DLG2: variants seen among roughly 807,000 people sequenced by gnomAD.
DLG2 encodes the protein disks large homolog 2.
In DLG2, 45 loss-of-function variants were observed where a neutral mutation model predicts 132.5. The ratio of observed to expected loss-of-function variants is 0.34; its 90% confidence interval spans 0.27 to 0.44. The LOEUF is 0.44. Ranked by LOEUF, DLG2 falls within the 20% of genes least tolerant of loss-of-function variation. DLG2 has a pLI of 1.00. For missense variants in DLG2, 1,045 were observed against 1,196.9 expected (o/e 0.87, Z 1.87); for synonymous variants, 424 against 419.6 (o/e 1.01, Z -0.13).
At chr11:84,764,299 T>C (rs2068074999) in intron 6 of DLG2, among the ~76,000 whole-genome samples, 3 of 152,186 alleles carry the variant, frequency 2.0e-5, no homozygotes, top group African/African-American at 7.2e-5. Flanking sequence ...TTTCTGTAGC[T>C]TACCTATGAC....
chr11:83,687,088 C>T (rs530434870), intron 18 of DLG2, among the ~76,000 whole-genome samples: 1 of 152,146 alleles, frequency 6.6e-6, no homozygotes, highest in Admixed American at 6.5e-5. Flanking sequence ...CAAAAACTAC[C>T]ACAAGGCAGA....
intron 4 of DLG2, among the ~76,000 whole-genome samples, chr11:85,236,937 C>T (rs1465859127): frequency 6.6e-6 from 1 of 151,980 alleles, no homozygotes. Flanking sequence ...CCTTTCTCCC[C>T]AAAGTTGCCA....
chr11:85,233,095 G>GT (rs902115642), intron 4 of DLG2, among the ~76,000 whole-genome samples: 28 of 151,482 alleles, frequency 1.8e-4, no homozygotes, highest in Admixed American at 4.6e-4. Flanking sequence ...ATTTCATGTG[G>GT]TTTTTTTTCC....
At chr11:84,158,774 G>A (rs962246537) in intron 9 of DLG2, among the ~76,000 whole-genome samples, 1 of 151,792 alleles carries the variant, frequency 6.6e-6, no homozygotes, top group African/African-American at 2.4e-5. Context: ...AACAAAAGAA[G>A]TTCTTGTTAG....
intron 16 of DLG2, among the ~76,000 whole-genome samples, chr11:83,835,989 T>C (rs965016029): frequency 7.9e-5 from 12 of 152,072 alleles, no homozygotes; most frequent in Admixed American, 1.3e-4. Flanking sequence ...GCTTATGTAG[T>C]TGTGGAGGCT....
rs576032713 is a variant in DLG2 at position 85,448,979 on chromosome 11, G to A, written c.40+149678C>T. On this transcript the variant is annotated intron_variant, in intron 3 of 27. Transcript: ENST00000376104. ...GTCAAACATGGCAGAAGTTGTTTACGTTAATCTTATCAAATGAAACTCAGT... is the reference window on the plus strand; with the variant it reads ...GTCAAACATGGCAGAAGTTGTTTACATTAATCTTATCAAATGAAACTCAGT... Among the ~76,000 whole-genome samples, 79 of 152,070 alleles carry A rather than the reference G, an allele frequency of 5.2e-4. 1 individual carries two copies. Among genetic ancestry groups the A allele is most frequent in the African/African-American group, 1.6e-3 (68 of 41,504 alleles).
In DLG2 at chr11:84,267,385, A is replaced by G. The variant is rs958700963; in HGVS notation, c.520-16094T>C. 2.0e-5 allele frequency among the ~76,000 whole-genome samples: 3 copies of G among 152,202 alleles called. No homozygotes were observed. The South Asian group carries it at 6.2e-4, about 32-fold the overall frequency. ...GGGGATAGGAGTTAAGTCCTGAAGG[A>G]TACAACCTTACTTTGAAGACCACTG... On this transcript the variant is annotated intron_variant, in intron 7 of 27. Coordinates refer to ENST00000376104, the MANE Select transcript of DLG2 (RefSeq NM_001142699.3).
chr11:83,862,743 A>C (rs1423342065), intron 16 of DLG2, among the ~76,000 whole-genome samples: 2 of 152,156 alleles, frequency 1.3e-5, no homozygotes, highest in African/African-American at 4.8e-5. Flanking sequence ...ACAGAGAGAG[A>C]GAAAGTGATG....
At chr11:83,982,335 C>T (rs1476143984) in intron 11 of DLG2, among the ~76,000 whole-genome samples, 1 of 151,944 alleles carries the variant, frequency 6.6e-6, no homozygotes, top group Non-Finnish European at 1.5e-5. Context: ...CATGCTGTAA[C>T]ATTTTACATG....
At chr11:85,422,210 A>G (rs1000460238) in intron 3 of DLG2, among the ~76,000 whole-genome samples, 1 of 152,128 alleles carries the variant, frequency 6.6e-6, no homozygotes, top group African/African-American at 2.4e-5. Context: ...CTTTGTGCTT[A>G]CCTGTATTTG....
At chr11:85,167,178 C>A (rs1439915813) in intron 4 of DLG2, among the ~76,000 whole-genome samples, 1 of 152,130 alleles carries the variant, frequency 6.6e-6, no homozygotes, top group Non-Finnish European at 1.5e-5. Flanking sequence ...GATGCCAGGT[C>A]ACTGGGAAGC....
At chr11:85,495,232 T>C (rs1409906786) in intron 3 of DLG2, among the ~76,000 whole-genome samples, 1 of 152,190 alleles carries the variant, frequency 6.6e-6, no homozygotes, top group African/African-American at 2.4e-5. Flanking sequence ...CTCTTGAATG[T>C]TTAAGTTGGT....
At chr11:84,070,896 T>C (rs2096746251) in intron 10 of DLG2, among the ~76,000 whole-genome samples, 2 of 152,194 alleles carry the variant, frequency 1.3e-5, no homozygotes, top group South Asian at 4.1e-4. Context: ...ACATCTCAAA[T>C]GGAGCAGAGT....
chr11:85,023,343 A>G (rs1470283392), intron 6 of DLG2, among the ~76,000 whole-genome samples: 2 of 152,048 alleles, frequency 1.3e-5, no homozygotes, highest in Non-Finnish European at 1.5e-5. Flanking sequence ...GTAAAATTCG[A>G]TTTGCAACCC....
At chr11:83,720,018 C>A (rs149632818) in intron 18 of DLG2, among the ~76,000 whole-genome samples, 4 of 152,002 alleles carry the variant, frequency 2.6e-5, no homozygotes, top group African/African-American at 9.6e-5. Context: ...TTCAGCCGGG[C>A]GCAGTGGCTC....
At chr11:84,492,027 C>G (rs2099166527) in intron 7 of DLG2, among the ~76,000 whole-genome samples, 1 of 151,904 alleles carries the variant, frequency 6.6e-6, no homozygotes, top group South Asian at 2.1e-4. Context: ...TTTAAAAAGA[C>G]ATTTTAAGTA....
At chr11:83,887,238 C>G (rs12293572) in intron 15 of DLG2, among the ~76,000 whole-genome samples, 1 of 151,452 alleles carries the variant, frequency 6.6e-6, no homozygotes, top group Non-Finnish European at 1.5e-5. Flanking sequence ...AAGAATCAAA[C>G]AGACGCAATA....
intron 3 of DLG2, among the ~76,000 whole-genome samples, chr11:85,478,519 T>C (rs1308300820): frequency 6.6e-6 from 1 of 152,220 alleles, no homozygotes; most frequent in South Asian, 2.1e-4. Flanking sequence ...CTTTGCTTTA[T>C]CTACAATGTG....
At chr11:85,223,920 G>T (rs2074817988) in intron 4 of DLG2, among the ~76,000 whole-genome samples, 1 of 152,154 alleles carries the variant, frequency 6.6e-6, no homozygotes, top group South Asian at 2.1e-4. Context: ...TGGATATTGT[G>T]CAGGGGTTAT....
Sources: gnomAD v4.1 joint callset for allele counts (sites outside exome capture counted in the v4.1 genomes callset) on GRCh38, gnomAD v4.1.1 for gene constraint, MANE v1.5 for transcripts, NCBI Gene and HGNC (gene_info 2026-07-23, HGNC 2026-07-21) for gene names.